The following TRIM16 variants were observed in gnomAD, a reference collection of about 807,000 sequenced individuals.
The protein encoded by TRIM16 is tripartite motif-containing protein 16.
A neutral mutation model predicts 50.4 loss-of-function variants in TRIM16; 33 were observed. That is an observed-to-expected ratio of 0.65 (90% CI 0.50 to 0.88). The LOEUF (loss-of-function observed/expected upper bound fraction) is 0.88. Ranked by LOEUF, TRIM16 falls within the 40% of genes least tolerant of loss-of-function variation. The pLI, the probability that TRIM16 is intolerant of heterozygous loss-of-function variation, is 0.00. For synonymous variants in TRIM16, 229 were observed against 270.7 expected, an observed-to-expected ratio of 0.85 and a Z score of 1.51; for missense variants, 581 against 686.8, an observed-to-expected ratio of 0.85 and a Z score of 1.72.
intron 6 of TRIM16, 200 bp from the exon 7 acceptor site, chr17:15,652,146 TTTTC>T (rs1234241220): frequency 7.4e-4 from 131 of 177,680 alleles, no homozygotes; most frequent in Admixed American, 2.6e-3. Context: ...GTTTCTTTTC[TTTTC>T]TTTTTTTTTT....
chr17:15,669,665 T>G (rs1357908270), intron 6 of TRIM16, among the ~76,000 whole-genome samples: 1 of 152,202 alleles, frequency 6.6e-6, no homozygotes, highest in Non-Finnish European at 1.5e-5. Flanking sequence ...GAGAATAGAT[T>G]CGCTATTACA....
Position 15,651,256 on chromosome 17 carries a change from C to T in TRIM16, c.354G>A (p.Leu118=), listed in dbSNP as rs1190492861. 1.2e-6 allele frequency: 2 copies of T among 1,614,240 alleles called. No homozygotes were observed. Among genetic ancestry groups the T allele is most frequent in the Non-Finnish European group, 1.7e-6 (2 of 1,180,044 alleles). ...TGTGGTCCTTCACTGGCTCGGTCAGCAGGTGGCTTTGCAGTTTGATGTTCA... is the reference window on the plus strand; with the variant it reads ...TGTGGTCCTTCACTGGCTCGGTCAGTAGGTGGCTTTGCAGTTTGATGTTCA... ...HQVNIKLQSH[L]LTEPVKDHNW... Residue 118 remains leucine (L), a synonymous_variant, in exon 7 of 12, where the codon CTG becomes CTA. Transcript: ENST00000649191.
chr17:15,661,695 A>C (rs553329066), intron 6 of TRIM16, among the ~76,000 whole-genome samples: 1 of 152,144 alleles, frequency 6.6e-6, no homozygotes, highest in Admixed American at 6.5e-5. Flanking sequence ...GTGTCCCTCT[A>C]ATGTTACTGA....
chr17:15,637,136 C>T (rs1197296887), intron 8 of TRIM16, among the ~76,000 whole-genome samples: 1 of 147,306 alleles, frequency 6.8e-6, no homozygotes. Flanking sequence ...GGTCAGCCCC[C>T]CGCCCGGCCA....
intron 8 of TRIM16, among the ~76,000 whole-genome samples, chr17:15,641,536 G>C (rs2057602726): frequency 1.3e-5 from 2 of 148,884 alleles, no homozygotes; most frequent in Admixed American, 6.7e-5. Context: ...TTAAAGAGCT[G>C]GGAAACACAA....
chr17:15,651,432 T>C lies in TRIM16; in HGVS notation c.178A>G (p.Ser60Gly). The C allele has an allele frequency of 6.2e-7, 1 of 1,613,340 alleles. No homozygotes were observed. The highest frequency in any genetic ancestry group is 8.5e-7 in the Non-Finnish European group (1 of 1,179,396). Reference sequence around the variant, plus strand: ...GGATCCCCCTGCTCTGCAGAGTCGCTGTCCTGTTCCTCCGTCTCCCTGCCA... The same window carrying C: ...GGATCCCCCTGCTCTGCAGAGTCGCCGTCCTGTTCCTCCGTCTCCCTGCCA... ...KLGRETEEQD[S>G]DSAEQGDPAG... Residue 60 changes from serine (S) to glycine (G), a missense_variant, in exon 7 of 12, where the codon AGC becomes GGC. Around this residue, in one of 3 missense-constraint regions of TRIM16, gnomAD observed 450 missense variants for 544.3 expected, o/e 0.83. Coordinates refer to ENST00000649191, the MANE Select transcript of TRIM16 (RefSeq NM_001348119.1).
intron 6 of TRIM16, among the ~76,000 whole-genome samples, chr17:15,653,345 C>T (rs929091392): frequency 7.2e-5 from 11 of 152,188 alleles, no homozygotes; most frequent in African/African-American, 2.7e-4. Flanking sequence ...ACGTTACCCC[C>T]ACCCCCTCAG....
chr17:15,653,052 C>T (rs533703105), intron 6 of TRIM16, among the ~76,000 whole-genome samples: 1 of 152,150 alleles, frequency 6.6e-6, no homozygotes, highest in African/African-American at 2.4e-5. Flanking sequence ...GTGTTTGGGT[C>T]ATAGGGGTGG....
intron 11 of TRIM16, among the ~76,000 whole-genome samples, chr17:15,630,298 G>T (rs1986350313): frequency 6.6e-6 from 1 of 152,052 alleles, no homozygotes; most frequent in South Asian, 2.1e-4. Flanking sequence ...GAGGCCCTTT[G>T]TGACTCTAAC....
At chr17:15,651,051 C>T (rs113007976) in intron 7 of TRIM16, 40 bp downstream of exon 7, 55 of 1,570,118 alleles carry the variant, frequency 3.5e-5, no homozygotes, top group African/African-American at 1.7e-4. Context: ...CATCCCCCAC[C>T]GCCCTCTCCC....
At position 15,652,073 on chromosome 17, in the gene TRIM16, A is replaced by C. The variant is rs935838634; in HGVS notation, c.-337-127T>G. On this transcript the variant is annotated intron_variant, in intron 6 of 11. Coordinates refer to ENST00000649191, the MANE Select transcript of TRIM16 (RefSeq NM_001348119.1). Reference sequence around the variant, plus strand: ...AAAATGTAAGGACTTCAACACCAGGACAGCCATTCATCTACTCCCATCTCA... The same window carrying C: ...AAAATGTAAGGACTTCAACACCAGGCCAGCCATTCATCTACTCCCATCTCA... 6 of 640,056 alleles carry C rather than the reference A, an allele frequency of 9.4e-6. No homozygotes were observed. In the South Asian group the frequency reaches 1.6e-4, roughly 17 times the overall value. The allele number at this position is 640,056 out of a possible 1,614,324, so 39.6% of individuals were successfully genotyped here. A position where few individuals can be genotyped will look rare whatever the true frequency, so the allele number is the denominator to read the frequency against.
In TRIM16 at chr17:15,638,522, A is replaced by G. The variant is rs187405494; in HGVS notation, c.616-2253T>C. Among the ~76,000 whole-genome samples the G allele has an allele frequency of 2.9e-3, 433 of 149,204 alleles. 29 individuals are homozygous for G. The highest frequency in any genetic ancestry group is 0.024 in the Middle Eastern group (7 of 286). On this transcript the variant is annotated intron_variant, in intron 8 of 11. Coordinates refer to ENST00000649191, the MANE Select transcript of TRIM16 (RefSeq NM_001348119.1). Reference sequence around the variant, plus strand: ...GAAGCGGAGCTTGCAGTGAGCTGAGATTGCGCCACTGCACTCCAGCCCTAT... The same window carrying G: ...GAAGCGGAGCTTGCAGTGAGCTGAGGTTGCGCCACTGCACTCCAGCCCTAT...
chr17:15,680,980 CT>C, intron 3 of TRIM16, 27 bp from the exon 4 acceptor site: 1 of 1,429,780 alleles, frequency 7.0e-7, no homozygotes, highest in Non-Finnish European at 9.4e-7. Flanking sequence ...ATAAAGGAAC[CT>C]GGTTTATCTT....
At chr17:15,664,586 C>T (rs187189450) in intron 6 of TRIM16, among the ~76,000 whole-genome samples, 2 of 152,230 alleles carry the variant, frequency 1.3e-5, no homozygotes, top group East Asian at 1.9e-4. Flanking sequence ...TTTAGATCTG[C>T]GCTCTCTTCC....
At chr17:15,680,149 C>T (rs1275228316) in intron 4 of TRIM16, among the ~76,000 whole-genome samples, 4 of 152,120 alleles carry the variant, frequency 2.6e-5, no homozygotes, top group Non-Finnish European at 5.9e-5. Flanking sequence ...CAAGAATTTA[C>T]TCAGCTTTCA....
intron 4 of TRIM16, 107 bp from the exon 5 acceptor site, chr17:15,677,828 A>T: frequency 1.1e-6 from 1 of 883,452 alleles, no homozygotes; most frequent in Non-Finnish European, 1.4e-6. Flanking sequence ...ATTGACTCGT[A>T]TATTAAAGAA....
At chr17:15,668,987 G>A (rs1287514465) in intron 6 of TRIM16, among the ~76,000 whole-genome samples, 3 of 151,856 alleles carry the variant, frequency 2.0e-5, no homozygotes, top group Non-Finnish European at 4.4e-5. Context: ...AAATGAAAAG[G>A]CAATTCATGG....
intron 6 of TRIM16, among the ~76,000 whole-genome samples, chr17:15,671,195 G>A (rs1352683182): frequency 6.6e-6 from 1 of 152,044 alleles, no homozygotes; most frequent in African/African-American, 2.4e-5. Flanking sequence ...CTTACACAAG[G>A]TTACTTCTGT....
intron 6 of TRIM16, among the ~76,000 whole-genome samples, chr17:15,661,191 T>C (rs1164763992): frequency 1.3e-5 from 2 of 152,224 alleles, no homozygotes; most frequent in Admixed American, 1.3e-4. Context: ...GGATGTAGTA[T>C]CTGCTCCAAT....
Sources: gnomAD v4.1 joint callset for allele counts (sites outside exome capture counted in the v4.1 genomes callset) on GRCh38, gnomAD v4.1.1 for gene constraint, gnomAD v4.1.1 regional missense constraint, MANE v1.5 for transcripts, NCBI Gene and HGNC (gene_info 2026-07-23, HGNC 2026-07-21) for gene names.